The following PI4KA variants were observed in gnomAD, a reference collection of about 807,000 sequenced individuals.
The protein encoded by PI4KA is phosphatidylinositol 4-kinase alpha, also known as PI4-kinase alpha.
PI4KA carries 122 observed loss-of-function variants against 271.4 expected under a neutral mutation model. The observed-to-expected ratio is 0.45, with a 90% CI of 0.39 to 0.52. The LOEUF (loss-of-function observed/expected upper bound fraction) is 0.52, where lower values mean the gene tolerates loss of function less well. Ranked by LOEUF, PI4KA falls within the 20% of genes least tolerant of loss-of-function variation. The pLI, the probability that PI4KA is intolerant of heterozygous loss-of-function variation, is 0.00. For missense variants in PI4KA, 1,969 were observed against 2,769.1 expected (o/e 0.71, Z 6.48); for synonymous variants, 1,041 against 1,078.8 (o/e 0.96, Z 0.69).
intron 19 of PI4KA, chr22:20,786,258 G>T (rs774991461): frequency 8.0e-6 from 10 of 1,255,302 alleles, no homozygotes; most frequent in Non-Finnish European, 1.2e-5. Context: ...CCAGCTTGGG[G>T]TGCTGAGTCT....
chr22:20,806,925 G>C (rs1159389317), intron 10 of PI4KA, among the ~76,000 whole-genome samples: 1 of 151,832 alleles, frequency 6.6e-6, no homozygotes, highest in East Asian at 2.0e-4. Context: ...GTAGAGACAG[G>C]GTTTCACCCT....
chr22:20,804,930 GTC>G, intron 11 of PI4KA, 42 bp downstream of exon 11: 2 of 1,487,138 alleles, frequency 1.3e-6, no homozygotes, highest in Non-Finnish European at 1.8e-6. Flanking sequence ...AAGCCTCTGG[GTC>G]ATGCCTGGAG....
At chr22:20,731,853 C>G (rs186758196) in intron 36 of PI4KA, among the ~76,000 whole-genome samples, 5 of 151,608 alleles carry the variant, frequency 3.3e-5, no homozygotes, top group African/African-American at 1.2e-4. Context: ...GGTGTGAACC[C>G]GGGAGGCGGA....
rs1929643147 is a variant in PI4KA at position 20,742,981 on chromosome 22, T to C, written c.3457-217A>G. The C allele has an allele frequency of 9.0e-6, 5 of 558,016 alleles. No individual in the cohort carries two copies. The Admixed American group carries it at 1.5e-4, about 17-fold the overall frequency. 34.6% of individuals were successfully genotyped at this position (558,016 alleles called of 1,614,324 possible). On this transcript the variant is annotated intron_variant, in intron 30 of 54. Transcript: ENST00000255882. ...GAACAGCTCCTCTAGAAATGCATGT[T>C]GGCAGTGCCACCACTGCAGATGTTC...
intron 48 of PI4KA, 114 bp from the exon 49 acceptor site, chr22:20,712,911 A>G: frequency 6.7e-7 from 1 of 1,502,984 alleles, no homozygotes; most frequent in Non-Finnish European, 9.0e-7. Context: ...AGGTGGGGAG[A>G]CCACAGCCGA....
At chr22:20,857,585 T>C (rs1229767244) in intron 1 of PI4KA, among the ~76,000 whole-genome samples, 1 of 152,236 alleles carries the variant, frequency 6.6e-6, no homozygotes, top group Non-Finnish European at 1.5e-5. Flanking sequence ...AGCTAAACAC[T>C]GTGCTGAGTC....
At chr22:20,792,057 C>T (rs1197724960) in intron 19 of PI4KA, among the ~76,000 whole-genome samples, 2 of 151,946 alleles carry the variant, frequency 1.3e-5, no homozygotes, top group African/African-American at 2.4e-5. Flanking sequence ...GCCAAGGTCG[C>T]ACCACTGCAT....
chr22:20,789,496 AT>A (rs1934494416), intron 19 of PI4KA, among the ~76,000 whole-genome samples: 1 of 152,032 alleles, frequency 6.6e-6, no homozygotes, highest in African/African-American at 2.4e-5. Flanking sequence ...CGCTTGGCTA[AT>A]TTTTGTATTT....
chr22:20,721,694 A>G (rs1474375351), intron 42 of PI4KA: 1 of 374,628 alleles, frequency 2.7e-6, no homozygotes, highest in Admixed American at 3.7e-5. Context: ...TTTAAGAAGC[A>G]CAACTCTCAA....
chr22:20,818,661 T>G (rs1050983881), intron 6 of PI4KA, 112 bp from the exon 7 acceptor site: 1 of 704,178 alleles, frequency 1.4e-6, no homozygotes, highest in Non-Finnish European at 2.2e-6. Context: ...CAAGTTCTGG[T>G]TGAAGCCTCA....
At chr22:20,813,547 G>A in intron 7 of PI4KA, 41 bp from the exon 8 acceptor site, 2 of 1,600,892 alleles carry the variant, frequency 1.2e-6, no homozygotes, top group Non-Finnish European at 1.7e-6. Context: ...GTGGTGACAG[G>A]CAACTAGGGT....
chr22:20,776,549 G>C (rs1216647471), intron 19 of PI4KA, among the ~76,000 whole-genome samples: 4 of 152,146 alleles, frequency 2.6e-5, no homozygotes, highest in Admixed American at 2.6e-4. Context: ...AGTATTATAA[G>C]GGGAAGACCC....
chr22:20,828,537 C>G (rs1238291390), intron 3 of PI4KA, among the ~76,000 whole-genome samples: 1 of 151,960 alleles, frequency 6.6e-6, no homozygotes, highest in Non-Finnish European at 1.5e-5. Context: ...CCTTCAATGC[C>G]TAGAGTTTGT....
At chr22:20,857,785 G>A (rs537099162) in intron 1 of PI4KA, among the ~76,000 whole-genome samples, 1 of 152,242 alleles carries the variant, frequency 6.6e-6, no homozygotes, top group African/African-American at 2.4e-5. Flanking sequence ...GCCAGTGCAG[G>A]GAACAAATTC....
chr22:20,824,991 A>G (rs1923209649), intron 3 of PI4KA, among the ~76,000 whole-genome samples: 1 of 149,546 alleles, frequency 6.7e-6, no homozygotes, highest in African/African-American at 2.5e-5. Flanking sequence ...AATAGCTCGA[A>G]GCCAGGAAGT....
At chr22:20,810,893 CAA>C in intron 9 of PI4KA, 72 bp downstream of exon 9, 1 of 1,151,864 alleles carries the variant, frequency 8.7e-7, no homozygotes, top group Non-Finnish European at 1.3e-6. Flanking sequence ...AGCCCCCGCT[CAA>C]ACTCTTCCTG....
At chr22:20,799,909 G>A (rs988841646) in intron 14 of PI4KA, 143 bp from the exon 15 acceptor site, 3 of 590,456 alleles carry the variant, frequency 5.1e-6, no homozygotes, top group African/African-American at 1.9e-5. Context: ...TCATAACACA[G>A]AATGAATTCA....
At chr22:20,732,911 C>A in intron 36 of PI4KA, 60 bp downstream of exon 36, 2 of 1,605,492 alleles carry the variant, frequency 1.2e-6, no homozygotes, top group South Asian at 2.2e-5. Context: ...TCGGGGCAGC[C>A]CACGTGGCAC....
chr22:20,847,070 C>A (rs1253580975), intron 1 of PI4KA, among the ~76,000 whole-genome samples: 1 of 151,338 alleles, frequency 6.6e-6, no homozygotes, highest in Non-Finnish European at 1.5e-5. Flanking sequence ...ATCACTTGAA[C>A]CGAGGAGGTG....
Sources: allele counts gnomAD v4.1 joint callset (sites outside exome capture counted in the v4.1 genomes callset), GRCh38; gene constraint gnomAD v4.1.1; transcripts MANE v1.5; gene names NCBI Gene and HGNC (gene_info 2026-07-23, HGNC 2026-07-21).